Variants in STRN3 observed in about 807,000 individuals in gnomAD.
STRN3 encodes striatin 3, also known as striatin-3.
In STRN3, 29 loss-of-function variants were observed where a neutral mutation model predicts 95.6. The observed-to-expected ratio is 0.30, with a 90% CI of 0.23 to 0.41. The LOEUF (loss-of-function observed/expected upper bound fraction) is 0.41, where lower values mean the gene tolerates loss of function less well. STRN3 is among the 10% of genes least tolerant of loss of function. STRN3 has a pLI of 1.00. For synonymous variants in STRN3, 331 were observed against 357.6 expected (o/e 0.93, Z 0.84); for missense variants, 890 against 972.1 (o/e 0.92, Z 1.12).
intron 15 of STRN3, among the ~76,000 whole-genome samples, chr14:30,903,454 T>C (rs575824367): frequency 1.5e-3 from 235 of 152,260 alleles, no homozygotes; most frequent in African/African-American, 5.3e-3. Flanking sequence ...TAGGCTGGAG[T>C]GCAATGGTGC....
chr14:31,012,665 G>A (rs760160871), intron 1 of STRN3, among the ~76,000 whole-genome samples: 29 of 152,108 alleles, frequency 1.9e-4, no homozygotes, highest in East Asian at 5.8e-4. Context: ...AGACCGAGGC[G>A]GGTGGATCAC....
chr14:30,943,562 T>C (rs536564622), intron 5 of STRN3, among the ~76,000 whole-genome samples: 1 of 152,286 alleles, frequency 6.6e-6, no homozygotes, highest in African/African-American at 2.4e-5. Context: ...ATTGTGCCAC[T>C]GCACTCCAGC....
chr14:30,955,518 C>T, intron 3 of STRN3, 102 bp downstream of exon 3: 1 of 925,002 alleles, frequency 1.1e-6, no homozygotes, highest in Non-Finnish European at 1.6e-6. Flanking sequence ...TTACAATAGT[C>T]ATTCTCTAAT....
intron 1 of STRN3, among the ~76,000 whole-genome samples, chr14:31,017,034 A>T (rs1308938932): frequency 6.6e-6 from 1 of 152,114 alleles, no homozygotes; most frequent in African/African-American, 2.4e-5. Flanking sequence ...GGGTGCCTGT[A>T]GTCCTAGCTA....
rs117592890 is a variant in STRN3, at chr14:31,011,335, C to T, written c.282+14569G>A. On this transcript the variant is annotated intron_variant, in intron 1 of 17. Coordinates refer to ENST00000357479, the MANE Select transcript of STRN3 (RefSeq NM_001083893.2). Reference sequence around the variant, plus strand: ...ACTTATTTAGCAAATATTTGGCAGACATCTATTATGTGCCAGACCCTTTAC... The same window carrying T: ...ACTTATTTAGCAAATATTTGGCAGATATCTATTATGTGCCAGACCCTTTAC... Among the ~76,000 whole-genome samples the T allele has an allele frequency of 1.8e-3, 277 of 152,264 alleles. 5 individuals carry two copies. The East Asian group carries it at 0.032, about 18-fold the overall frequency.
Position 30,994,056 on chromosome 14 carries a change from T to C in STRN3, c.282+31848A>G, listed in dbSNP as rs549191755. On this transcript the variant is annotated intron_variant, in intron 1 of 17. Transcript: ENST00000357479. ...CCACACCCAGCTAATTTTGTATTTT[T>C]AGTAGAGATGGGGTTTCCCATGTTG... Among the ~76,000 whole-genome samples, 14 of 150,440 alleles carry C rather than the reference T, an allele frequency of 9.3e-5. No individual in the cohort carries two copies. In the East Asian group the frequency reaches 2.9e-3, roughly 31 times the overall value.
intron 1 of STRN3, among the ~76,000 whole-genome samples, chr14:30,995,153 A>C (rs1882140471): frequency 6.6e-6 from 1 of 152,246 alleles, no homozygotes; most frequent in Non-Finnish European, 1.5e-5. Context: ...TCATCAGGAA[A>C]ACGTTTCCAA....
chr14:30,898,986 GATA>G (rs1322460984), intron 16 of STRN3, among the ~76,000 whole-genome samples: 1 of 152,156 alleles, frequency 6.6e-6, no homozygotes, highest in Non-Finnish European at 1.5e-5. Context: ...GTAAAATGGG[GATA>G]ATAATAGTAC....
chr14:30,919,812 A>G (rs1457242498), intron 8 of STRN3, among the ~76,000 whole-genome samples: 1 of 152,196 alleles, frequency 6.6e-6, no homozygotes, highest in Non-Finnish European at 1.5e-5. Context: ...TGTTGCCTGG[A>G]TAATTCAGGC....
intron 1 of STRN3, 30 bp from the exon 2 acceptor site, chr14:30,956,272 A>G (rs1879898382): frequency 6.3e-7 from 1 of 1,596,004 alleles, no homozygotes. Flanking sequence ...ATTTATTTAC[A>G]TTTTCCCTTA....
chr14:30,920,935 T>A (rs1386543195), intron 8 of STRN3, among the ~76,000 whole-genome samples: 1 of 152,114 alleles, frequency 6.6e-6, no homozygotes, highest in African/African-American at 2.4e-5. Flanking sequence ...TGATCCACAA[T>A]ACAAACTCCC....
At position 30,895,757 on chromosome 14, in the gene STRN3, A is replaced by C; in HGVS notation, c.2138-9T>G. On this transcript the variant is annotated splice_polypyrimidine_tract_variant and intron_variant, in intron 16 of 17. Transcript: ENST00000357479. ...AGAATGGATCATTTTACCTAAACAA[A>C]ACATAACAGAGAACTGATTAAGTTT... The C allele has an allele frequency of 6.2e-7, 1 of 1,607,818 alleles. No individual in the cohort carries two copies. The highest frequency in any genetic ancestry group is 8.5e-7 in the Non-Finnish European group (1 of 1,177,928).
In STRN3 at chr14:30,993,970, C is replaced by T. The variant is rs544593228; in HGVS notation, c.282+31934G>A. ...TCGGCTCACGGCAAGCTCCACCTCT[C>T]GGGATCAAGCGATTCTCCTGCCTCA... On this transcript the variant is annotated intron_variant, in intron 1 of 17. Transcript: ENST00000357479. Among the ~76,000 whole-genome samples, 5 of 152,060 alleles carry T rather than the reference C, an allele frequency of 3.3e-5. No individual in the cohort carries two copies. In the South Asian group the frequency reaches 6.2e-4, roughly 19 times the overall value.
intron 8 of STRN3, among the ~76,000 whole-genome samples, chr14:30,926,400 G>A (rs1292566163): frequency 6.6e-6 from 1 of 151,904 alleles, no homozygotes. Flanking sequence ...TAATATTCTA[G>A]TTAAAATATT....
At chr14:30,929,682 T>C (rs940370824) in intron 7 of STRN3, among the ~76,000 whole-genome samples, 19 of 152,060 alleles carry the variant, frequency 1.2e-4, no homozygotes, top group Admixed American at 5.9e-4. Context: ...ATGAATGAAA[T>C]ACATGCGAAC....
intron 7 of STRN3, among the ~76,000 whole-genome samples, chr14:30,933,086 G>A (rs977471798): frequency 1.3e-5 from 2 of 151,232 alleles, no homozygotes; most frequent in Non-Finnish European, 2.9e-5. Context: ...ACTAGCCTGA[G>A]CAACATGGCC....
chr14:30,955,572 TA>T (rs779414378), intron 3 of STRN3, 47 bp downstream of exon 3: 1 of 1,482,332 alleles, frequency 6.7e-7, no homozygotes, highest in Non-Finnish European at 9.1e-7. Context: ...GTCTGTTACA[TA>T]AAAAATGAAT....
intron 1 of STRN3, among the ~76,000 whole-genome samples, chr14:31,004,439 G>A (rs1279644486): frequency 3.3e-5 from 5 of 152,062 alleles, no homozygotes; most frequent in African/African-American, 1.2e-4. Context: ...AAAAAGAAAA[G>A]TACTAGTTGT....
chr14:31,024,760 A>G (rs1421917294), intron 1 of STRN3, among the ~76,000 whole-genome samples: 3 of 152,196 alleles, frequency 2.0e-5, no homozygotes. Context: ...ATATGACAGC[A>G]AATACTGCTT....
Sources: gnomAD v4.1 joint callset for allele counts (sites outside exome capture counted in the v4.1 genomes callset) on GRCh38, gnomAD v4.1.1 for gene constraint, MANE v1.5 for transcripts, NCBI Gene and HGNC (gene_info 2026-07-23, HGNC 2026-07-21) for gene names.